MINK1: variants seen among roughly 807,000 people sequenced by gnomAD.
The protein encoded by MINK1 is misshapen-like kinase 1.
In MINK1, 46 loss-of-function variants were observed where a neutral mutation model predicts 178.4. The observed-to-expected ratio is 0.26, with a 90% CI of 0.20 to 0.33. The LOEUF is 0.33. MINK1 is among the 10% of genes least tolerant of loss of function. MINK1 has a pLI of 1.00. For synonymous variants in MINK1, 797 were observed against 709.7 expected (o/e 1.12, Z -1.96); for missense variants, 1,366 against 1,814.9 (o/e 0.75, Z 4.49).
chr17:4,864,251 T>A (rs1189954519), intron 1 of MINK1, among the ~76,000 whole-genome samples: 1 of 150,388 alleles, frequency 6.6e-6, no homozygotes, highest in Non-Finnish European at 1.5e-5. Context: ...AATACAAAAT[T>A]AGCCAGGCGT....
chr17:4,858,118 C>T (rs1177032540), intron 1 of MINK1, among the ~76,000 whole-genome samples: 1 of 152,154 alleles, frequency 6.6e-6, no homozygotes, highest in East Asian at 1.9e-4. Flanking sequence ...ACTATTTTAA[C>T]ACTTAGATTG....
At chr17:4,861,217 T>C (rs1914117955) in intron 1 of MINK1, among the ~76,000 whole-genome samples, 1 of 152,210 alleles carries the variant, frequency 6.6e-6, no homozygotes, top group African/African-American at 2.4e-5. Flanking sequence ...GACGTGCTGC[T>C]TGGGGCCAGC....
At chr17:4,876,081 C>T (rs985166149) in intron 1 of MINK1, among the ~76,000 whole-genome samples, 2 of 152,074 alleles carry the variant, frequency 1.3e-5, no homozygotes, top group African/African-American at 4.8e-5. Context: ...AGGCGTGAGC[C>T]ACCGCGCCCG....
intron 17 of MINK1, 45 bp from the exon 18 acceptor site, chr17:4,892,357 G>GCGCCCCCCCCC: frequency 2.1e-6 from 3 of 1,457,926 alleles, no homozygotes; most frequent in African/African-American, 1.4e-5. Flanking sequence ...CATCACCTCA[G>GCGCCCCCCCCC]CGCCCCCCCG....
rs1249602050 is a variant in MINK1 at position 4,897,603 on chromosome 17, T to A, written c.*316T>A. The A allele has an allele frequency of 3.4e-5, 10 of 295,948 alleles. No homozygotes were observed. In the East Asian group the frequency reaches 7.2e-4, roughly 21 times the overall value. 18.3% of individuals were successfully genotyped at this position (295,948 alleles called of 1,614,324 possible). ...ATTTGAGAGGAGAGTGCTTGGGGCT[T>A]GAACCCCTTACCCCACTGCTGCTGA... On this transcript the variant is annotated 3_prime_UTR_variant, in exon 32 of 32. Coordinates refer to ENST00000355280, the MANE Select transcript of MINK1 (RefSeq NM_153827.5).
chr17:4,882,966 C>CA (rs1301914176), intron 4 of MINK1: 1 of 151,738 alleles, frequency 6.6e-6, no homozygotes, highest in Non-Finnish European at 1.5e-5. Context: ...ACTGAAAATA[C>CA]AAAAATTAGC....
intron 1 of MINK1, chr17:4,875,049 CCTT>C (rs765826064): frequency 7.7e-6 from 4 of 520,098 alleles, no homozygotes; most frequent in Non-Finnish European, 1.5e-5. Flanking sequence ...CTGTCTCCCT[CCTT>C]CTCAGAAAGA....
In MINK1 at chr17:4,874,091, C is replaced by T. The variant is rs183441023; in HGVS notation, c.58-4226C>T. Among the ~76,000 whole-genome samples the T allele has an allele frequency of 7.2e-5, 11 of 152,304 alleles. No homozygotes were observed. In the East Asian group the frequency reaches 1.5e-3, roughly 21 times the overall value. ...AGCATTTCAGCGGCTTTCGTGCTTT[C>T]GGTTGCTGTTTATGATATATAATCG... is the stretch of plus-strand genomic sequence containing the variant. On this transcript the variant is annotated intron_variant, in intron 1 of 31. Coordinates refer to ENST00000355280, the MANE Select transcript of MINK1 (RefSeq NM_153827.5).
intron 1 of MINK1, among the ~76,000 whole-genome samples, chr17:4,862,057 A>G (rs1914251407): frequency 6.6e-6 from 1 of 152,144 alleles, no homozygotes; most frequent in South Asian, 2.1e-4. Context: ...CCACCTAGAA[A>G]TGGCTCCTGC....
rs768957549 is a variant in MINK1, at chr17:4,894,571, C to T, written c.2855C>T (p.Thr952Met). Residue 952 changes from threonine to methionine, a missense_variant, in exon 24 of 32, where the codon ACG (threonine) becomes ATG (methionine). Coordinates refer to ENST00000355280, the MANE Select transcript of MINK1 (RefSeq NM_153827.5). The surrounding 1 kb of genome is among the most constrained non-coding windows in gnomAD (Gnocchi z 4.1). Reference protein sequence around the residue: ...LVKAPGKSSFTMFVDLGIYQP... With the variant: ...LVKAPGKSSFMMFVDLGIYQP... Reference sequence around the variant, plus strand: ...AAGGCCCCTGGCAAGAGCTCGTTCACGATGTTTGTGGATCTAGGGATCTAC... The same window carrying T: ...AAGGCCCCTGGCAAGAGCTCGTTCATGATGTTTGTGGATCTAGGGATCTAC... 4.3e-6 allele frequency: 7 copies of T among 1,609,420 alleles called. No individual in the cohort carries two copies. Among genetic ancestry groups the T allele is most frequent in the East Asian group, 2.2e-5 (1 of 44,736 alleles).
At chr17:4,870,600 G>A (rs922011722) in intron 1 of MINK1, among the ~76,000 whole-genome samples, 6 of 151,996 alleles carry the variant, frequency 3.9e-5, no homozygotes, top group East Asian at 3.9e-4. Context: ...CAAGGCGGGC[G>A]GATCACTTGA....
At chr17:4,881,333 G>C in intron 4 of MINK1, 76 bp downstream of exon 4, 2 of 1,446,416 alleles carry the variant, frequency 1.4e-6, no homozygotes, top group Non-Finnish European at 1.9e-6. Flanking sequence ...CTCAGTATCA[G>C]TGCCCAGCAT....
At chr17:4,892,353 C>T in intron 17 of MINK1, 49 bp from the exon 18 acceptor site, 7 of 1,463,066 alleles carry the variant, frequency 4.8e-6, no homozygotes, top group Non-Finnish European at 6.5e-6. Context: ...GCCCCATCAC[C>T]TCAGCGCCCC....
chr17:4,873,550 A>G (rs990638623), intron 1 of MINK1, among the ~76,000 whole-genome samples: 6 of 150,276 alleles, frequency 4.0e-5, no homozygotes, highest in African/African-American at 1.5e-4. Flanking sequence ...AACATCCCCA[A>G]TTCAACATTC....
At position 4,886,011 on chromosome 17, in the gene MINK1, G is replaced by C; in HGVS notation, c.694+46G>C. On this transcript the variant is annotated intron_variant, in intron 8 of 31. Coordinates refer to ENST00000355280, the MANE Select transcript of MINK1 (RefSeq NM_153827.5). This position sits in a 1 kb window ranked among gnomAD's most constrained non-coding sequence, Gnocchi z 6.1. ...GAGTGGGAGGGGAGGGAAAGGAAGG[G>C]CCCAGAGAGTGGCTGTAGGGAGGAG... is the stretch of plus-strand genomic sequence containing the variant. 2 of 1,611,660 alleles carry C rather than the reference G, an allele frequency of 1.2e-6. No homozygotes were observed. The highest frequency in any genetic ancestry group is 1.7e-6 in the Non-Finnish European group (2 of 1,177,840).
chr17:4,833,556 C>T lies in MINK1; in HGVS notation c.-28C>T. 3 of 1,487,350 alleles carry T rather than the reference C, an allele frequency of 2.0e-6. No homozygotes were observed. Among genetic ancestry groups the T allele is most frequent in the Non-Finnish European group, 2.7e-6 (3 of 1,121,810 alleles). 92.1% of individuals were successfully genotyped at this position (1,487,350 alleles called of 1,614,324 possible). ...AGTAACCGAGCCGGAGCGTGAGCGG[C>T]CCCGGTGCCCCGTTCCCCACGGAGG... On this transcript the variant is annotated 5_prime_UTR_variant, in exon 1 of 32. Coordinates refer to ENST00000355280, the MANE Select transcript of MINK1 (RefSeq NM_153827.5). The surrounding 1 kb of genome is among the most constrained non-coding windows in gnomAD (Gnocchi z 4.8).
intron 1 of MINK1, among the ~76,000 whole-genome samples, chr17:4,839,817 G>A (rs1909901684): frequency 6.6e-6 from 1 of 152,204 alleles, no homozygotes; most frequent in African/African-American, 2.4e-5. Context: ...GAGGTTGTAC[G>A]TGCTACGTGT....
chr17:4,889,613 T>A, intron 12 of MINK1, 34 bp from the exon 13 acceptor site: 1 of 1,534,234 alleles, frequency 6.5e-7, no homozygotes, highest in Non-Finnish European at 8.8e-7. Flanking sequence ...CGATGTCCGG[T>A]ATGGTTCTTA....
chr17:4,859,357 C>T (rs187001484), intron 1 of MINK1: 78 of 942,446 alleles, frequency 8.3e-5, no homozygotes, highest in Non-Finnish European at 9.5e-5. Flanking sequence ...AACCTACCTG[C>T]TTCCCCTGCA....
Sources: gnomAD v4.1 joint callset for allele counts (sites outside exome capture counted in the v4.1 genomes callset) on GRCh38, gnomAD v4.1.1 for gene constraint, Gnocchi (gnomAD v3.1) non-coding constraint, MANE v1.5 for transcripts, NCBI Gene and HGNC (gene_info 2026-07-23, HGNC 2026-07-21) for gene names.